The following IYD variants were observed in gnomAD, a reference collection of about 807,000 sequenced individuals.
IYD encodes the protein iodotyrosine deiodinase 1.
A neutral mutation model predicts 28.4 loss-of-function variants in IYD; 25 were observed. The ratio of observed to expected loss-of-function variants is 0.88; its 90% CI spans 0.64 to 1.23. The LOEUF (loss-of-function observed/expected upper bound fraction) is 1.23, where lower values mean the gene tolerates loss of function less well. IYD is among the 50% of genes most tolerant of loss of function. IYD has a pLI of 0.00. For synonymous variants in IYD, 140 were observed against 130.8 expected (o/e 1.07, Z -0.48); for missense variants, 352 against 357.9 (o/e 0.98, Z 0.13).
At chr6:150,377,408 C>A (rs901635180) in intron 1 of IYD, among the ~76,000 whole-genome samples, 2 of 152,156 alleles carry the variant, frequency 1.3e-5, no homozygotes, top group Non-Finnish European at 2.9e-5. Flanking sequence ...CCTAGCCCAG[C>A]CCTGCTAGTC....
chr6:150,392,023 A>G (rs1037454085), intron 2 of IYD, among the ~76,000 whole-genome samples: 3 of 151,832 alleles, frequency 2.0e-5, no homozygotes, highest in East Asian at 3.9e-4. Context: ...ATGAATTACT[A>G]CGTTTATCCT....
In IYD at chr6:150,404,832, A is replaced by T. The variant is rs1005527824; in HGVS notation, c.*6595A>T. The T allele has an allele frequency of 2.6e-5, 4 of 152,206 alleles. No individual in the cohort carries two copies. The highest frequency in any genetic ancestry group is 4.4e-5 in the Non-Finnish European group (3 of 68,030). 9.4% of individuals were successfully genotyped at this position (152,206 alleles called of 1,614,324 possible). A position where few individuals can be genotyped will look rare whatever the true frequency, so the allele number is the denominator to read the frequency against. ...TCACTATAACCCAAACAAATAAGGGATTATTTTTCCCTCCTAGTGAGAAGT... is the reference window on the plus strand; with the variant it reads ...TCACTATAACCCAAACAAATAAGGGTTTATTTTTCCCTCCTAGTGAGAAGT... On this transcript the variant is annotated 3_prime_UTR_variant, in exon 5 of 5. Transcript: ENST00000344419.
In IYD at chr6:150,398,217, C is replaced by CAGAT. The variant is rs755987952; in HGVS notation, c.851_854dup (p.Met286AspfsTer107). ...TGACCTCAAGCGCAAACCTCTGGACCAGATCATGGTGACAGTGTAGGCAGG... is the reference window on the plus strand; with the variant it reads ...TGACCTCAAGCGCAAACCTCTGGACCAGATAGATCATGGTGACAGTGTAGGCAGG... On this transcript the variant is annotated frameshift_variant, in exon 5 of 5. Transcript: ENST00000344419. LOFTEE classifies it high-confidence loss of function. 21 of 1,614,018 alleles carry CAGAT rather than the reference C, an allele frequency of 1.3e-5. No homozygotes were observed. Among genetic ancestry groups the CAGAT allele is most frequent in the Non-Finnish European group, 1.8e-5 (21 of 1,180,034 alleles).
chr6:150,370,559 G>C, intron 1 of IYD: 1 of 985,356 alleles, frequency 1.0e-6, no homozygotes, highest in Non-Finnish European at 1.2e-6. Flanking sequence ...CTCTCAGCAG[G>C]GCTGCCTCTT....
At chr6:150,391,896 A>G (rs1582796182) in intron 2 of IYD, among the ~76,000 whole-genome samples, 2 of 151,950 alleles carry the variant, frequency 1.3e-5, no homozygotes, top group East Asian at 3.9e-4. Flanking sequence ...TTTAGTAGAG[A>G]CAGGGTTTCA....
chr6:150,391,536 T>C (rs1403683267), intron 2 of IYD, among the ~76,000 whole-genome samples: 6 of 152,110 alleles, frequency 3.9e-5, no homozygotes, highest in African/African-American at 9.7e-5. Context: ...TTTTCTTCCA[T>C]GTAATTAGAG....
chr6:150,387,549 CTT>C (rs1777921222), intron 1 of IYD, among the ~76,000 whole-genome samples: 1 of 151,808 alleles, frequency 6.6e-6, no homozygotes, highest in Admixed American at 6.6e-5. Context: ...ACCATATACT[CTT>C]TGAATCAAAT....
At chr6:150,371,100 T>A (rs2115009559) in intron 1 of IYD, among the ~76,000 whole-genome samples, 1 of 152,250 alleles carries the variant, frequency 6.6e-6, no homozygotes, top group South Asian at 2.1e-4. Flanking sequence ...TAAGAGGAAC[T>A]GTGGAAGAAA....
At chr6:150,372,288 G>T (rs1034643164) in intron 1 of IYD, among the ~76,000 whole-genome samples, 32 of 146,056 alleles carry the variant, frequency 2.2e-4, no homozygotes, top group African/African-American at 7.7e-4. Flanking sequence ...AGGGGTCATT[G>T]TGTGACCATG....
In IYD at chr6:150,403,286, T is replaced by A. The variant is rs999036645; in HGVS notation, c.*5049T>A. Reference sequence around the variant, plus strand: ...TATCAGCAGAGTGCCCTCTTATAATTTGTGTGAAATGGAAACAAAGGTAAC... The same window carrying A: ...TATCAGCAGAGTGCCCTCTTATAATATGTGTGAAATGGAAACAAAGGTAAC... On this transcript the variant is annotated 3_prime_UTR_variant, in exon 5 of 5. Coordinates refer to ENST00000344419, the MANE Select transcript of IYD (RefSeq NM_203395.3). 1 of 152,226 alleles carries A rather than the reference T, an allele frequency of 6.6e-6. No individual in the cohort carries two copies. Among genetic ancestry groups the A allele is most frequent in the Admixed American group, 6.5e-5 (1 of 15,286 alleles). 9.4% of individuals were successfully genotyped at this position (152,226 alleles called of 1,614,324 possible). A position where few individuals can be genotyped will look rare whatever the true frequency, so the allele number is the denominator to read the frequency against.
intron 1 of IYD, among the ~76,000 whole-genome samples, chr6:150,371,903 C>T (rs1047604168): frequency 6.6e-6 from 1 of 152,162 alleles, no homozygotes. Context: ...AGAACCAATG[C>T]TTAAACTCAG....
intron 2 of IYD, 113 bp from the exon 3 acceptor site, chr6:150,392,232 C>T: frequency 1.3e-6 from 2 of 1,566,296 alleles, no homozygotes; most frequent in East Asian, 2.2e-5. Context: ...TTGTTTGATC[C>T]TCCAGCTCCA....
intron 4 of IYD, chr6:150,396,592 T>C: frequency 1.6e-6 from 1 of 619,770 alleles, no homozygotes; most frequent in Non-Finnish European, 2.9e-6. Context: ...GTTTAAGACT[T>C]GGCCAGGTGC....
chr6:150,391,021 G>T (rs1050350554), intron 2 of IYD, among the ~76,000 whole-genome samples: 1 of 152,104 alleles, frequency 6.6e-6, no homozygotes, highest in African/African-American at 2.4e-5. Flanking sequence ...AGCAGATCAC[G>T]AGGTCAAGAG....
rs746209507 is a variant in IYD at position 150,398,254 on chromosome 6, G to A, written c.*17G>A. The A allele has an allele frequency of 2.0e-5, 33 of 1,613,282 alleles. No individual in the cohort carries two copies. The highest frequency in any genetic ancestry group is 2.8e-5 in the Non-Finnish European group (33 of 1,179,488). ...ACAGTGTAGGCAGGGCCCCCCAAGGGAGTGGCAGGGAGATGGCGCCCCTGC... is the reference window on the plus strand; with the variant it reads ...ACAGTGTAGGCAGGGCCCCCCAAGGAAGTGGCAGGGAGATGGCGCCCCTGC... On this transcript the variant is annotated 3_prime_UTR_variant, in exon 5 of 5. Transcript: ENST00000344419.
chr6:150,397,696 C>T (rs1188918469), intron 4 of IYD, among the ~76,000 whole-genome samples: 1 of 152,112 alleles, frequency 6.6e-6, no homozygotes, highest in Admixed American at 6.5e-5. Context: ...ACAGACCAAC[C>T]CCTTAGCTAA....
At chr6:150,396,691 G>A (rs1035076051) in intron 4 of IYD, 14 of 319,918 alleles carry the variant, frequency 4.4e-5, no homozygotes, top group East Asian at 3.1e-4. Flanking sequence ...TGGCTAACAT[G>A]GTGAAACCCG....
chr6:150,372,704 GTT>G (rs1777310240), intron 1 of IYD, among the ~76,000 whole-genome samples: 3 of 121,134 alleles, frequency 2.5e-5, no homozygotes, highest in Non-Finnish European at 5.0e-5. Context: ...GTGGGGGTGT[GTT>G]GGGGGTGGTG....
At chr6:150,372,863 A>G (rs1410650654) in intron 1 of IYD, among the ~76,000 whole-genome samples, 1 of 152,128 alleles carries the variant, frequency 6.6e-6, no homozygotes, top group Non-Finnish European at 1.5e-5. Context: ...TGTCCTGTTA[A>G]TACCTTGTTT....
Sources: gnomAD v4.1 joint callset for allele counts (sites outside exome capture counted in the v4.1 genomes callset) on GRCh38, gnomAD v4.1.1 for gene constraint, MANE v1.5 for transcripts, NCBI Gene and HGNC (gene_info 2026-07-23, HGNC 2026-07-21) for gene names.